Variants in SGK3 observed in about 807,000 individuals in gnomAD.
SGK3 encodes the protein serum/glucocorticoid regulated kinase family member 3, also known as serine/threonine-protein kinase Sgk3.
A neutral mutation model predicts 68.5 loss-of-function variants in SGK3; 47 were observed. The observed-to-expected ratio is 0.69, with a 90% CI of 0.54 to 0.87. The LOEUF (loss-of-function observed/expected upper bound fraction) is 0.87. Ranked by LOEUF, SGK3 falls within the 40% of genes least tolerant of loss-of-function variation. The pLI is 0.00. For synonymous variants in SGK3, 181 were observed against 189.1 expected (o/e 0.96, Z 0.35); for missense variants, 479 against 575.5 (o/e 0.83, Z 1.72).
chr8:66,847,100 A>C lies in SGK3; in HGVS notation c.1075-93A>C, dbSNP rs945140131. Reference sequence around the variant, plus strand: ...TCCCAAGAGGTCCATACATTTTTTCAACTGACTGCTCCCTCAAGATTAAAG... The same window carrying C: ...TCCCAAGAGGTCCATACATTTTTTCCACTGACTGCTCCCTCAAGATTAAAG... On this transcript the variant is annotated intron_variant, in intron 14 of 16. Coordinates refer to ENST00000521198, the MANE Select transcript of SGK3 (RefSeq NM_001033578.3). 7 of 1,523,490 alleles carry C rather than the reference A, an allele frequency of 4.6e-6. No homozygotes were observed. In the African/African-American group the frequency reaches 9.8e-5, roughly 21 times the overall value. The allele number at this position is 1,523,490 out of a possible 1,614,324, so 94.4% of individuals were successfully genotyped here.
chr8:66,767,897 C>T, intron 1 of SGK3: 1 of 1,214,704 alleles, frequency 8.2e-7, no homozygotes, highest in Non-Finnish European at 1.2e-6. Context: ...TGAGATCTCC[C>T]ATCTAAGGCT....
At chr8:66,793,977 A>C in intron 2 of SGK3, 145 bp downstream of exon 2, 1 of 864,524 alleles carries the variant, frequency 1.2e-6, no homozygotes, top group East Asian at 2.9e-5. Flanking sequence ...TGTTCTCCAC[A>C]AAGTCTTCTG....
intron 1 of SGK3, among the ~76,000 whole-genome samples, chr8:66,785,488 T>C (rs1807161316): frequency 6.6e-6 from 1 of 152,198 alleles, no homozygotes; most frequent in African/African-American, 2.4e-5. Flanking sequence ...TTGGGTCAAA[T>C]CATTTTTTGT....
intron 1 of SGK3, among the ~76,000 whole-genome samples, chr8:66,788,455 G>A (rs1053565646): frequency 2.0e-5 from 3 of 152,192 alleles, no homozygotes; most frequent in Non-Finnish European, 4.4e-5. Context: ...TTTTCTTGGT[G>A]CTTGTTAGAG....
At chr8:66,716,381 C>T (rs1211513055) in intron 1 of SGK3, among the ~76,000 whole-genome samples, 8 of 152,114 alleles carry the variant, frequency 5.3e-5, no homozygotes, top group Non-Finnish European at 1.2e-4. Flanking sequence ...ATTGTATTGG[C>T]TGTCTGAAGC....
At chr8:66,759,721 G>A (rs1806097755) in intron 1 of SGK3, among the ~76,000 whole-genome samples, 1 of 151,772 alleles carries the variant, frequency 6.6e-6, no homozygotes, top group Non-Finnish European at 1.5e-5. Context: ...GGAGTGCAGT[G>A]GTGTGATCTC....
chr8:66,748,802 A>G (rs1009066128), intron 1 of SGK3, among the ~76,000 whole-genome samples: 7 of 152,182 alleles, frequency 4.6e-5, no homozygotes, highest in Non-Finnish European at 8.8e-5. Context: ...GGACTCATCA[A>G]TTTGAAACTT....
At chr8:66,844,739 G>A (rs879497843) in intron 14 of SGK3, among the ~76,000 whole-genome samples, 3 of 152,168 alleles carry the variant, frequency 2.0e-5, no homozygotes, top group Non-Finnish European at 2.9e-5. Flanking sequence ...GCTTTTTATT[G>A]AAAACTGTGG....
At chr8:66,819,484 A>G (rs1246704334) in intron 5 of SGK3, among the ~76,000 whole-genome samples, 2 of 152,248 alleles carry the variant, frequency 1.3e-5, no homozygotes, top group Non-Finnish European at 2.9e-5. Flanking sequence ...AAGTGGAAGA[A>G]TCATTGAGTA....
rs1405592374 is a variant in SGK3 at position 66,861,908 on chromosome 8, A to C, written c.*2327A>C. ...ATTCATTCCTGTTAAGCTGCCAAAA[A>C]TTAAAGTGCAATATTGTATATTTTT... On this transcript the variant is annotated 3_prime_UTR_variant, in exon 17 of 17. Coordinates refer to ENST00000521198, the MANE Select transcript of SGK3 (RefSeq NM_001033578.3). The C allele has an allele frequency of 6.6e-6, 1 of 152,194 alleles. No individual in the cohort carries two copies. The allele number at this position is 152,194 out of a possible 1,614,324, so 9.4% of individuals were successfully genotyped here. A position where few individuals can be genotyped will look rare whatever the true frequency, so the allele number is the denominator to read the frequency against.
intron 16 of SGK3, among the ~76,000 whole-genome samples, chr8:66,858,420 G>T (rs986882694): frequency 6.6e-6 from 1 of 151,438 alleles, no homozygotes; most frequent in African/African-American, 2.4e-5. Context: ...GAGCCAAGAT[G>T]GCGCCACTGC....
intron 1 of SGK3, among the ~76,000 whole-genome samples, chr8:66,786,805 C>G (rs183259454): frequency 8.5e-5 from 13 of 152,140 alleles, no homozygotes; most frequent in Non-Finnish European, 1.5e-4. Flanking sequence ...GCGGCTGTGT[C>G]CCTTCTCTGT....
At chr8:66,723,129 ATATTTTT>A (rs1316300258) in intron 1 of SGK3, among the ~76,000 whole-genome samples, 82 of 40,530 alleles carry the variant, frequency 2.0e-3, no homozygotes, top group Non-Finnish European at 2.9e-3. Flanking sequence ...ATATATATAT[ATATTTTT>A]TTTTTTTTTT....
intron 1 of SGK3, among the ~76,000 whole-genome samples, chr8:66,730,324 A>G (rs73254001): frequency 0.014 from 2,163 of 152,306 alleles, 49 homozygotes; most frequent in African/African-American, 0.049. Flanking sequence ...ATTGAATTAT[A>G]TGAATTATTT....
intron 1 of SGK3, among the ~76,000 whole-genome samples, chr8:66,714,612 C>T (rs1804581630): frequency 6.6e-6 from 1 of 152,078 alleles, no homozygotes; most frequent in South Asian, 2.1e-4. Flanking sequence ...AGCAAGAAGG[C>T]TCATGTTCCT....
At chr8:66,715,739 C>A (rs1212361340) in intron 1 of SGK3, among the ~76,000 whole-genome samples, 1 of 151,932 alleles carries the variant, frequency 6.6e-6, no homozygotes, top group Admixed American at 6.6e-5. Context: ...TAAGTATAGC[C>A]CTTGGTACCT....
At position 66,831,239 on chromosome 8, in the gene SGK3, G is replaced by A. The variant is rs757736419; in HGVS notation, c.468-15G>A. On this transcript the variant is annotated splice_polypyrimidine_tract_variant and intron_variant, in intron 7 of 16. Coordinates refer to ENST00000521198, the MANE Select transcript of SGK3 (RefSeq NM_001033578.3). ...AATTTCTAGGAGGCTAATTCTTATT[G>A]TTAATTTATTTCAGTGCCAAACCAA... 8.7e-6 allele frequency: 14 copies of A among 1,613,328 alleles called. No individual in the cohort carries two copies. The South Asian group carries it at 1.5e-4, about 18-fold the overall frequency.
chr8:66,785,129 C>T (rs981466783), intron 1 of SGK3, among the ~76,000 whole-genome samples: 2 of 152,222 alleles, frequency 1.3e-5, no homozygotes, highest in Non-Finnish European at 2.9e-5. Flanking sequence ...CTGTGCGTGA[C>T]TTTCTTTCTG....
chr8:66,744,525 T>TG (rs1563605761), intron 1 of SGK3, among the ~76,000 whole-genome samples: 2,317 of 102,528 alleles, frequency 0.023, 203 homozygotes, highest in African/African-American at 0.086. Context: ...ATATATTTTT[T>TG]TTTTTTTTTT....
Sources: allele counts gnomAD v4.1 joint callset (sites outside exome capture counted in the v4.1 genomes callset), GRCh38; gene constraint gnomAD v4.1.1; transcripts MANE v1.5; gene names NCBI Gene and HGNC (gene_info 2026-07-23, HGNC 2026-07-21).